Variants in KYNU observed in about 807,000 individuals in gnomAD.
The protein encoded by KYNU is kynureninase.
Under a neutral mutation model 59.2 loss-of-function variants are expected in KYNU, and 54 were observed. The observed-to-expected ratio is 0.91, with a 90% CI of 0.73 to 1.14. The LOEUF (loss-of-function observed/expected upper bound fraction) is 1.14, where lower values mean the gene tolerates loss of function less well. Among genes scored for constraint, KYNU ranks in the 50% most tolerant of loss-of-function variants. The probability of loss-of-function intolerance (pLI) is 0.00; values close to 1 mark genes in which losing one functional copy is unlikely to be tolerated. For synonymous variants in KYNU, 177 were observed against 192.0 expected (o/e 0.92, Z 0.65); for missense variants, 567 against 554.4 (o/e 1.02, Z -0.23).
In KYNU at chr2:143,051,083, A is replaced by G. The variant is rs1483198068; in HGVS notation, c.*8911A>G. On this transcript the variant is annotated 3_prime_UTR_variant, in exon 14 of 14. Transcript: ENST00000264170. The stretch of plus-strand genomic sequence containing the variant: ...GCAAGATTTAGTCTCAAATAACACA[A>G]TAATAATGGAGGTCATTGTGAAGTA... 6.6e-6 allele frequency: 1 copy of G among 152,186 alleles called. No homozygotes were observed. Among genetic ancestry groups the G allele is most frequent in the Admixed American group, 6.5e-5 (1 of 15,272 alleles). 9.4% of individuals were successfully genotyped at this position (152,186 alleles called of 1,614,324 possible).
At chr2:142,936,696 T>C (rs1472900869) in intron 4 of KYNU, among the ~76,000 whole-genome samples, 3 of 152,138 alleles carry the variant, frequency 2.0e-5, no homozygotes, top group Non-Finnish European at 4.4e-5. Context: ...AGAGAGGCCA[T>C]GTAGATTTTT....
chr2:143,031,350 CA>C (rs1686730964), intron 11 of KYNU, among the ~76,000 whole-genome samples: 1 of 152,112 alleles, frequency 6.6e-6, no homozygotes, highest in South Asian at 2.1e-4. Flanking sequence ...GGCAAATACT[CA>C]ATTCCGTCAT....
chr2:142,905,964 TTCTA>T (rs764376270), intron 2 of KYNU, among the ~76,000 whole-genome samples: 5 of 151,542 alleles, frequency 3.3e-5, no homozygotes, highest in East Asian at 1.9e-4. Flanking sequence ...TCTTTACTAC[TTCTA>T]TCTTTCTATT....
chr2:142,986,067 T>C (rs764149588), intron 10 of KYNU, 46 bp downstream of exon 10: 1 of 1,289,792 alleles, frequency 7.8e-7, no homozygotes. Flanking sequence ...ACAAATTAAT[T>C]TGCATTAATA....
chr2:143,019,373 C>T (rs188797463), intron 10 of KYNU, among the ~76,000 whole-genome samples: 57 of 152,182 alleles, frequency 3.7e-4, no homozygotes, highest in African/African-American at 1.3e-3. Context: ...AGTGCCTTTT[C>T]AGCACGTATT....
At chr2:143,032,023 A>AGTGGC (rs1686761099) in intron 11 of KYNU, among the ~76,000 whole-genome samples, 1 of 152,074 alleles carries the variant, frequency 6.6e-6, no homozygotes, top group African/African-American at 2.4e-5. Context: ...CACGCCTGTA[A>AGTGGC]TCCCAGCACT....
chr2:142,974,687 T>G (rs1282408154), intron 8 of KYNU, among the ~76,000 whole-genome samples: 1 of 152,210 alleles, frequency 6.6e-6, no homozygotes, highest in Admixed American at 6.6e-5. Flanking sequence ...TTGAGTTACA[T>G]ATTAATTTTA....
intron 4 of KYNU, among the ~76,000 whole-genome samples, chr2:142,928,807 A>G (rs569766781): frequency 6.6e-6 from 1 of 152,114 alleles, no homozygotes; most frequent in African/African-American, 2.4e-5. Context: ...CAGGAGTTCG[A>G]GACCAGCCTG....
At chr2:142,963,868 T>G (rs1243765144) in intron 8 of KYNU, among the ~76,000 whole-genome samples, 2 of 152,212 alleles carry the variant, frequency 1.3e-5, no homozygotes, top group South Asian at 2.1e-4. Flanking sequence ...TATTTTTGGA[T>G]TTTGGAATAT....
intron 10 of KYNU, among the ~76,000 whole-genome samples, chr2:143,001,725 C>T (rs1216065131): frequency 6.6e-6 from 1 of 152,178 alleles, no homozygotes; most frequent in African/African-American, 2.4e-5. Context: ...ATTGGCTTAA[C>T]TAGCTGTGCC....
At chr2:143,029,518 A>G (rs1686680768) in intron 10 of KYNU, 109 bp from the exon 11 acceptor site, 1 of 728,584 alleles carries the variant, frequency 1.4e-6, no homozygotes, top group Non-Finnish European at 2.5e-6. Context: ...CCCAAGAGGC[A>G]GAGGTGGCAG....
rs1687312509 is a variant in KYNU at position 143,054,094 on chromosome 2, T to A, written c.*11922T>A. 1 of 152,186 alleles carries A rather than the reference T, an allele frequency of 6.6e-6. No homozygotes were observed. Among genetic ancestry groups the A allele is most frequent in the Non-Finnish European group, 1.5e-5 (1 of 68,028 alleles). The allele number at this position is 152,186 out of a possible 1,614,324, so 9.4% of individuals were successfully genotyped here. A position where few individuals can be genotyped will look rare whatever the true frequency, so the allele number is the denominator to read the frequency against. The stretch of plus-strand genomic sequence containing the variant: ...TGAGAGAGTAGAAATAACACTGGTT[T>A]TTTCCCTATGTCCTTACAACCACCA... On this transcript the variant is annotated 3_prime_UTR_variant, in exon 14 of 14. Transcript: ENST00000264170.
intron 4 of KYNU, among the ~76,000 whole-genome samples, chr2:142,937,877 A>C (rs1486950536): frequency 6.6e-6 from 1 of 152,254 alleles, no homozygotes; most frequent in African/African-American, 2.4e-5. Context: ...GGCTAAAGTT[A>C]ATTTAACAAT....
intron 8 of KYNU, among the ~76,000 whole-genome samples, chr2:142,980,236 G>T (rs531688036): frequency 6.9e-6 from 1 of 143,954 alleles, no homozygotes; most frequent in Non-Finnish European, 1.5e-5. Flanking sequence ...AGCTTATAAT[G>T]AGCTTATAAT....
chr2:142,890,873 G>A (rs1681689243), intron 2 of KYNU, among the ~76,000 whole-genome samples: 1 of 152,122 alleles, frequency 6.6e-6, no homozygotes, highest in Non-Finnish European at 1.5e-5. Context: ...GTTGGAGATA[G>A]TTTTCATAAA....
chr2:143,034,160 CATAA>C (rs1463747170), intron 12 of KYNU, among the ~76,000 whole-genome samples: 10 of 150,674 alleles, frequency 6.6e-5, no homozygotes, highest in Admixed American at 4.0e-4. Flanking sequence ...TAAATATTTA[CATAA>C]ATAATGTAAA....
chr2:142,957,632 C>T lies in KYNU; in HGVS notation c.508-9C>T. The T allele has an allele frequency of 1.3e-6, 2 of 1,546,306 alleles. No individual in the cohort carries two copies. The highest frequency in any genetic ancestry group is 2.7e-5 in the African/African-American group (2 of 73,594). On this transcript the variant is annotated splice_polypyrimidine_tract_variant and intron_variant, in intron 6 of 13. Coordinates refer to ENST00000264170, the MANE Select transcript of KYNU (RefSeq NM_003937.3). ...TTGATTTGATAAATACATCATCTTT[C>T]CTTTTTAGTATGCTATTGAGTCACA...
intron 8 of KYNU, among the ~76,000 whole-genome samples, chr2:142,972,208 C>T (rs1219061369): frequency 2.0e-5 from 3 of 152,084 alleles, no homozygotes; most frequent in African/African-American, 4.8e-5. Context: ...CAAGCATATA[C>T]TTTATTTAAA....
chr2:142,989,508 T>C lies in KYNU; in HGVS notation c.902+3487T>C, dbSNP rs1036413464. 286 of 984,302 alleles carry C rather than the reference T, an allele frequency of 2.9e-4. No individual in the cohort carries two copies. The Middle Eastern group carries it at 3.7e-3, about 13-fold the overall frequency. The allele number at this position is 984,302 out of a possible 1,614,324, so 61.0% of individuals were successfully genotyped here. A position where few individuals can be genotyped will look rare whatever the true frequency, so the allele number is the denominator to read the frequency against. ...AAGGGTGACATCTAGTGGCTAAACA[T>C]GTTATTTCAAATAAATAATATCGAA... On this transcript the variant is annotated intron_variant, in intron 10 of 13. Coordinates refer to ENST00000264170, the MANE Select transcript of KYNU (RefSeq NM_003937.3).
Sources: allele counts gnomAD v4.1 joint callset (sites outside exome capture counted in the v4.1 genomes callset), GRCh38; gene constraint gnomAD v4.1.1; transcripts MANE v1.5; gene names NCBI Gene and HGNC (gene_info 2026-07-23, HGNC 2026-07-21).